Variants in LAMB2 observed in about 807,000 individuals in gnomAD.
LAMB2 encodes laminin subunit beta 2, also known as laminin subunit beta-2.
A neutral mutation model predicts 202.7 loss-of-function variants in LAMB2; 119 were observed. The observed-to-expected ratio is 0.59, with a 90% confidence interval of 0.51 to 0.68. The LOEUF (loss-of-function observed/expected upper bound fraction) is 0.68. LAMB2 is among the 30% of genes least tolerant of loss of function. The pLI is 0.00. For missense variants in LAMB2, 2,124 were observed against 2,410.6 expected, an observed-to-expected ratio of 0.88 and a Z score of 2.49; for synonymous variants, 818 against 902.2, an observed-to-expected ratio of 0.91 and a Z score of 1.67.
At position 49,129,683 on chromosome 3, in the gene LAMB2, C is replaced by T. The variant is rs1207114265; in HGVS notation, c.1439G>A (p.Gly480Glu). The change falls in exon 11 of 32, where the codon GGG becomes GAG. Residue 480 changes from glycine (G) to glutamate (E), a missense_variant. This residue lies in a region of LAMB2 where 1,702 missense variants were observed against 1,896.3 expected (regional missense o/e 0.90). Transcript: ENST00000305544. This position sits in a 1 kb window ranked among gnomAD's most constrained non-coding sequence, Gnocchi z 6.1. ...CQCNARGTVPGSTPCDPNSGS... is the reference protein window; with the variant it reads ...CQCNARGTVPESTPCDPNSGS... ...ACTGTTGGGGTCACAAGGAGTGCTC[C>T]CAGGCACTGTGCCCCGTGCATTACA... The T allele has an allele frequency of 1.2e-6, 2 of 1,613,954 alleles. No individual in the cohort carries two copies. The highest frequency in any genetic ancestry group is 1.7e-6 in the Non-Finnish European group (2 of 1,179,962).
rs1575537968 is a variant in LAMB2 at position 49,132,952 on chromosome 3, T to A, written c.-85A>T. 52 of 1,230,754 alleles carry A rather than the reference T, an allele frequency of 4.2e-5. No individual in the cohort carries two copies. In the East Asian group the frequency reaches 1.2e-3, roughly 28 times the overall value. 76.2% of individuals were successfully genotyped at this position (1,230,754 alleles called of 1,614,324 possible). ...TTGCTTTGGGGTTCCGTGTCAACTC[T>A]GCCTGTGGGTCTTTGGCCTGTTTCC... On this transcript the variant is annotated 5_prime_UTR_variant, in exon 1 of 32. Transcript: ENST00000305544. This position sits in a 1 kb window ranked among gnomAD's most constrained non-coding sequence, Gnocchi z 4.6.
intron 27 of LAMB2, 137 bp from the exon 28 acceptor site, chr3:49,122,507 AG>A (rs2045339329): frequency 9.3e-6 from 9 of 969,654 alleles, no homozygotes; most frequent in Non-Finnish European, 1.5e-5. Flanking sequence ...TCACAAGGAC[AG>A]GGACTATACA....
In LAMB2 at chr3:49,125,884, T is replaced by C; in HGVS notation, c.2351A>G (p.Gln784Arg). Residue 784 changes from glutamine (Q) to arginine (R), a missense_variant, in exon 18 of 32, where the codon CAG (glutamine) becomes CGG (arginine). By Grantham distance (43) the Gln-to-Arg change is conservative (BLOSUM62 1). This residue lies in a region of LAMB2 where 1,702 missense variants were observed against 1,896.3 expected (regional missense o/e 0.90). Transcript: ENST00000305544. The part of the protein sequence containing the change: ...TLIYNGALPC[Q>R]CNPQGSLSSE... ...ACTCAGTGAACCTTGAGGGTTGCACTGACATGCTGTGGGGAGGAGGGTTGG... is the reference window on the plus strand; with the variant it reads ...ACTCAGTGAACCTTGAGGGTTGCACCGACATGCTGTGGGGAGGAGGGTTGG... The C allele has an allele frequency of 6.2e-7, 1 of 1,614,094 alleles. No homozygotes were observed. The highest frequency in any genetic ancestry group is 1.6e-4 in the Middle Eastern group (1 of 6,062).
In LAMB2 at chr3:49,121,174, C is replaced by G. The variant is rs1238118593; in HGVS notation, c.*52G>C. On this transcript the variant is annotated 3_prime_UTR_variant, in exon 32 of 32. Transcript: ENST00000305544. ...GGCCAAGAGCTCTTCAGTGCATAGG[C>G]AGACATGCATGTGGGGCAGTGCTAG... 1 of 1,607,660 alleles carries G rather than the reference C, an allele frequency of 6.2e-7. No individual in the cohort carries two copies. Among genetic ancestry groups the G allele is most frequent in the African/African-American group, 1.3e-5 (1 of 74,832 alleles).
Position 49,128,816 on chromosome 3 carries a change from G to A in LAMB2, c.1735C>T (p.Leu579Phe), listed in dbSNP as rs1252455695. The change falls in exon 14 of 32, where the codon CTC (leucine) becomes TTC (phenylalanine). Residue 579 changes from leucine (L) to phenylalanine (F), a missense_variant. Coordinates refer to ENST00000305544, the MANE Select transcript of LAMB2 (RefSeq NM_002292.4). ...WEAEDTRGQVLDVVERLVTPG... is the reference protein window; with the variant it reads ...WEAEDTRGQVFDVVERLVTPG... ...GTCACCAGGCGCTCCACCACATCGA[G>A]CACCTGGGAGATAATGCAGCCAGGG... The A allele has an allele frequency of 6.2e-7, 1 of 1,612,160 alleles. No homozygotes were observed. The highest frequency in any genetic ancestry group is 8.5e-7 in the Non-Finnish European group (1 of 1,178,790).
chr3:49,130,177 C>T lies in LAMB2; in HGVS notation c.1225+54G>A. ...GCAATTTAGACAGCAGTCCAGCTCT[C>T]TAGTTCCTGCCCCAGGCTCAGCTTT... On this transcript the variant is annotated intron_variant, in intron 9 of 31. Transcript: ENST00000305544. This position sits in a 1 kb window ranked among gnomAD's most constrained non-coding sequence, Gnocchi z 5.0. 2 of 1,605,772 alleles carry T rather than the reference C, an allele frequency of 1.2e-6. No homozygotes were observed. The highest frequency in any genetic ancestry group is 1.3e-5 in the African/African-American group (1 of 74,776).
chr3:49,121,116 G>A lies in LAMB2; in HGVS notation c.*110C>T. Reference sequence around the variant, plus strand: ...AAATCAGAGTCCAGACAACACAGTGGGGGTTCACACTGGTTTATTGGGGGC... The same window carrying A: ...AAATCAGAGTCCAGACAACACAGTGAGGGTTCACACTGGTTTATTGGGGGC... On this transcript the variant is annotated 3_prime_UTR_variant, in exon 32 of 32. Transcript: ENST00000305544. 7.6e-7 allele frequency: 1 copy of A among 1,315,946 alleles called. No individual in the cohort carries two copies. Among genetic ancestry groups the A allele is most frequent in the Non-Finnish European group, 1.1e-6 (1 of 940,222 alleles). The allele number at this position is 1,315,946 out of a possible 1,614,324, so 81.5% of individuals were successfully genotyped here.
In LAMB2 at chr3:49,130,544, G is replaced by T; in HGVS notation, c.1037-125C>A. ...TGGGTAGGGGCTCAGGGACTTCAAG[G>T]CCTCAGCATCATACTGGTTCCCTAC... is the stretch of plus-strand genomic sequence containing the variant. On this transcript the variant is annotated intron_variant, in intron 8 of 31. Coordinates refer to ENST00000305544, the MANE Select transcript of LAMB2 (RefSeq NM_002292.4). This position sits in a 1 kb window ranked among gnomAD's most constrained non-coding sequence, Gnocchi z 5.0. 1 of 1,351,124 alleles carries T rather than the reference G, an allele frequency of 7.4e-7. No homozygotes were observed. Among genetic ancestry groups the T allele is most frequent in the Non-Finnish European group, 1.1e-6 (1 of 950,282 alleles). The allele number at this position is 1,351,124 out of a possible 1,614,324, so 83.7% of individuals were successfully genotyped here.
At position 49,121,678 on chromosome 3, in the gene LAMB2, A is replaced by G. The variant is rs754053085; in HGVS notation, c.5100+6T>C. The G allele has an allele frequency of 1.6e-5, 26 of 1,613,786 alleles. No individual in the cohort carries two copies. Among genetic ancestry groups the G allele is most frequent in the Non-Finnish European group, 2.0e-5 (24 of 1,180,016 alleles). ...ACCTTCTCCAGCTGGCTCTGCCTCA[A>G]CCCACCTGCTCAGCCTCCTGGGCAC... is the stretch of plus-strand genomic sequence containing the variant. On this transcript the variant is annotated splice_donor_region_variant and intron_variant, in intron 30 of 31. Transcript: ENST00000305544.
chr3:49,121,323 TC>T lies in LAMB2; in HGVS notation c.5299del (p.Glu1767ArgfsTer54). ...GTYEENERAL[E>X]SKAAQLDGLE... ...CCCGTCCAACTGGGCTGCCTTACTC[TC>T]CAGTGCCCGCTCATTTTCCTCATAG... On this transcript the variant is annotated frameshift_variant, in exon 32 of 32. Coordinates refer to ENST00000305544, the MANE Select transcript of LAMB2 (RefSeq NM_002292.4). LOFTEE classifies it high-confidence loss of function. 6.2e-7 allele frequency: 1 copy of T among 1,613,894 alleles called. No individual in the cohort carries two copies.
In LAMB2 at chr3:49,130,052, C is replaced by A; in HGVS notation, c.1226-34G>T. The A allele has an allele frequency of 6.2e-7, 1 of 1,608,202 alleles. No homozygotes were observed. Among genetic ancestry groups the A allele is most frequent in the South Asian group, 1.1e-5 (1 of 90,912 alleles). Reference sequence around the variant, plus strand: ...AAAAAGAGATACAGGGTCACTCACCCTATCTCAACTAGCTCACTGCCAGTC... The same window carrying A: ...AAAAAGAGATACAGGGTCACTCACCATATCTCAACTAGCTCACTGCCAGTC... On this transcript the variant is annotated intron_variant, in intron 9 of 31. Transcript: ENST00000305544. The surrounding 1 kb of genome is among the most constrained non-coding windows in gnomAD (Gnocchi z 5.0).
Position 49,123,745 on chromosome 3 carries a change from C to T in LAMB2, c.3780G>A (p.Glu1260=), listed in dbSNP as rs756720933. The T allele has an allele frequency of 4.3e-6, 7 of 1,613,354 alleles. No homozygotes were observed. The highest frequency in any genetic ancestry group is 1.3e-5 in the African/African-American group (1 of 74,938). ...TSAASTAQLV[E]ATEELRREIG... ...TTCCGCACCGCAGCTCCTCTGTGGC[C>T]TCCACAAGCTGTGCAGTGGAGGCGG... The change falls in exon 24 of 32, where the codon GAG becomes GAA. Residue 1260 remains glutamate, a synonymous_variant. Coordinates refer to ENST00000305544, the MANE Select transcript of LAMB2 (RefSeq NM_002292.4).
Position 49,125,428 on chromosome 3 carries a change from G to T in LAMB2, c.2545C>A (p.Gln849Lys). ...LSSLCEKTSG[Q>K]CLCRTGAFGL... is the part of the protein sequence containing the mutation. ...AAGGCACCAGTTCGACAGAGACATT[G>T]CCCACTGGTCTTTTCACAGAGACTG... Residue 849 changes from glutamine to lysine, a missense_variant, in exon 19 of 32, where the codon CAA becomes AAA. Gln to Lys is a moderately conservative substitution (Grantham distance 53). This residue lies in a region of LAMB2 where 1,702 missense variants were observed against 1,896.3 expected (regional missense o/e 0.90). Transcript: ENST00000305544. The T allele has an allele frequency of 6.2e-7, 1 of 1,613,782 alleles. No individual in the cohort carries two copies. The highest frequency in any genetic ancestry group is 2.2e-5 in the East Asian group (1 of 44,872).
chr3:49,122,208 T>G lies in LAMB2; in HGVS notation c.4736A>C (p.Asp1579Ala). The G allele has an allele frequency of 6.2e-7, 1 of 1,613,438 alleles. No individual in the cohort carries two copies. The highest frequency in any genetic ancestry group is 8.5e-7 in the Non-Finnish European group (1 of 1,180,032). ...CAGTAGCTGCTCGGCACGACGCACA[T>G]CTCCTACAGTACGTGCCAGGATCGC... ...VDAILARTVG[D>A]VRRAEQLLQD... The change falls in exon 28 of 32, where the codon GAT (aspartate) becomes GCT (alanine). Residue 1579 changes from aspartate (D) to alanine (A), a missense_variant. Coordinates refer to ENST00000305544, the MANE Select transcript of LAMB2 (RefSeq NM_002292.4).
Position 49,123,100 on chromosome 3 carries a change from C to T in LAMB2, c.4224+32G>A, listed in dbSNP as rs1400634066. Reference sequence around the variant, plus strand: ...GGGCCCTGTGAGAGGAACATCTACACCCACCTGCCCCACCCAACACTTCAA... The same window carrying T: ...GGGCCCTGTGAGAGGAACATCTACATCCACCTGCCCCACCCAACACTTCAA... On this transcript the variant is annotated intron_variant, in intron 26 of 31. Transcript: ENST00000305544. The T allele has an allele frequency of 2.5e-6, 4 of 1,607,546 alleles. No homozygotes were observed. The African/African-American group carries it at 5.3e-5, about 21-fold the overall frequency.
Position 49,125,973 on chromosome 3 carries a change from C to G in LAMB2, c.2338G>C (p.Ala780Pro). ...CCACATCACAGACACTCACGCAGGG[C>G]ACCATTGTAGATGAGGGTGGACAGG... The part of the protein sequence containing the change: ...ISLSTLIYNG[A>P]LPCQCNPQGS... The change falls in exon 17 of 32, where the codon GCC (alanine) becomes CCC (proline). Residue 780 changes from alanine (A) to proline (P), a missense_variant. Around this residue, in one of 3 missense-constraint regions of LAMB2, gnomAD observed 1,702 missense variants for 1,896.3 expected, o/e 0.90. Transcript: ENST00000305544. 1 of 1,614,150 alleles carries G rather than the reference C, an allele frequency of 6.2e-7. No homozygotes were observed.
Position 49,131,080 on chromosome 3 carries a change from G to C in LAMB2, c.785C>G (p.Pro262Arg), listed in dbSNP as rs762005983. 3.7e-6 allele frequency: 6 copies of C among 1,613,812 alleles called. No homozygotes were observed. Among genetic ancestry groups the C allele is most frequent in the Non-Finnish European group, 8.5e-7 (1 of 1,180,020 alleles). The change falls in exon 7 of 32, where the codon CCA becomes CGA. Residue 262 changes from proline (P) to arginine (R), a missense_variant. Physicochemically the swap from Pro to Arg is moderately radical, Grantham distance 103. Transcript: ENST00000305544. The surrounding 1 kb of genome is among the most constrained non-coding windows in gnomAD (Gnocchi z 5.0). ...GTACTTCTCTCGGATCTCCCTCCGT[G>C]GGTCGAGTAGGTTGTCTCCCAACGT... ...LHTLGDNLLD[P>R]RREIREKYYY...
At position 49,126,153 on chromosome 3, in the gene LAMB2, G is replaced by C. The variant is rs1412806594; in HGVS notation, c.2158C>G (p.Leu720Val). 6.2e-7 allele frequency: 1 copy of C among 1,612,234 alleles called. No homozygotes were observed. The highest frequency in any genetic ancestry group is 2.2e-5 in the East Asian group (1 of 44,882). The change falls in exon 17 of 32, where the codon CTG (leucine) becomes GTG (valine). Residue 720 changes from leucine to valine, a missense_variant. Transcript: ENST00000305544. Reference sequence around the variant, plus strand: ...TCTAGCACCAGGACACGGGGCAGCAGCACCAGCTGAAGGAGTGAGCAAGGA... The same window carrying C: ...TCTAGCACCAGGACACGGGGCAGCACCACCAGCTGAAGGAGTGAGCAAGGA... ...GPGLLIDSLV[L>V]LPRVLVLEMF...
chr3:49,123,429 A>G lies in LAMB2; in HGVS notation c.3982+18T>C. On this transcript the variant is annotated intron_variant, in intron 25 of 31. Coordinates refer to ENST00000305544, the MANE Select transcript of LAMB2 (RefSeq NM_002292.4). ...AAGACTGACCCTGGTCCACCTGCCT[A>G]GTTGGCTAACAACTCACCCAGGAAG... 6.2e-7 allele frequency: 1 copy of G among 1,614,072 alleles called. No homozygotes were observed. Among genetic ancestry groups the G allele is most frequent in the East Asian group, 2.2e-5 (1 of 44,884 alleles).
Sources: allele counts gnomAD v4.1 joint callset, GRCh38; gene constraint gnomAD v4.1.1; regional missense constraint gnomAD v4.1.1; non-coding constraint Gnocchi (gnomAD v3.1); transcripts MANE v1.5; gene names NCBI Gene and HGNC (gene_info 2026-07-23, HGNC 2026-07-21).